DCAF8L2: variants seen among roughly 807,000 people sequenced by gnomAD.
The protein encoded by DCAF8L2 is DDB1 and CUL4 associated factor 8 like 2, also known as DDB1- and CUL4-associated factor 8-like protein 2.
For synonymous variants in DCAF8L2, 200 were observed against 190.9 expected (o/e 1.05, Z -0.39); for missense variants, 430 against 490.7 (o/e 0.88, Z 1.17).
chrX:27,652,369 A>C (rs1308211659), intron 2 of DCAF8L2, among the ~76,000 whole-genome samples: 1 of 111,612 alleles, frequency 9.0e-6, no homozygotes, highest in Non-Finnish European at 1.9e-5. Flanking sequence ...AGCTTACAAG[A>C]AAGATTGACT....
the DCAF8L2 span, among the ~76,000 whole-genome samples, chrX:27,495,743 A>G: frequency 9.0e-6 from 1 of 111,560 alleles, no homozygotes; most frequent in African/African-American, 3.3e-5. Flanking sequence ...TGTTTCCTAT[A>G]AGACAACTTT....
At chrX:27,610,263 C>T (rs1197752510) in intron 1 of DCAF8L2, among the ~76,000 whole-genome samples, 1 of 110,668 alleles carries the variant, frequency 9.0e-6, no homozygotes, top group African/African-American at 3.3e-5. Context: ...ACCCATATGC[C>T]TAAATGTGGG....
chrX:27,522,641 T>C, the DCAF8L2 span, among the ~76,000 whole-genome samples: 1 of 112,210 alleles, frequency 8.9e-6, no homozygotes, highest in Admixed American at 9.5e-5. Flanking sequence ...ACCATTATTC[T>C]ACTCTGTTTC....
chrX:27,535,048 A>G, the DCAF8L2 span, among the ~76,000 whole-genome samples: 1 of 112,398 alleles, frequency 8.9e-6, no homozygotes, highest in African/African-American at 3.2e-5. Context: ...TATGCGGAAA[A>G]TACTTTAAAC....
At chrX:27,744,704 G>C (rs1922069230) in intron 4 of DCAF8L2, among the ~76,000 whole-genome samples, 1 of 111,793 alleles carries the variant, frequency 8.9e-6, no homozygotes, top group Admixed American at 9.5e-5. Flanking sequence ...CTTCATGAAT[G>C]GCTTGGTGCC....
At chrX:27,615,455 A>T (rs1927416159) in intron 1 of DCAF8L2, among the ~76,000 whole-genome samples, 1 of 111,283 alleles carries the variant, frequency 9.0e-6, no homozygotes, top group Non-Finnish European at 1.9e-5. Flanking sequence ...GCTTTGTCAG[A>T]AGCCATAAAT....
chrX:27,633,233 C>A (rs747798943), intron 2 of DCAF8L2: 1 of 111,503 alleles, frequency 9.0e-6, no homozygotes, highest in African/African-American at 3.3e-5. Context: ...ATATAAAATC[C>A]TAGATGTGTT....
intron 4 of DCAF8L2, among the ~76,000 whole-genome samples, chrX:27,720,424 A>ACTGCAGT (rs1446448245): frequency 9.1e-6 from 1 of 109,956 alleles, no homozygotes; most frequent in Non-Finnish European, 1.9e-5. Flanking sequence ...CGGACTGCGG[A>ACTGCAGT]CTGCAGTGGC....
At chrX:27,496,240 T>C in the DCAF8L2 span, among the ~76,000 whole-genome samples, 5 of 112,071 alleles carry the variant, frequency 4.5e-5, no homozygotes, top group African/African-American at 1.3e-4. Flanking sequence ...AATTGATGTT[T>C]TAAAAAACTT....
At chrX:27,474,171 A>G in the DCAF8L2 span, among the ~76,000 whole-genome samples, 483 of 111,952 alleles carry the variant, frequency 4.3e-3, no homozygotes, top group African/African-American at 0.015. Context: ...AAAGGAAGAA[A>G]CCTAGTTAGT....
chrX:27,709,523 ATC>A (rs926244810), intron 3 of DCAF8L2, among the ~76,000 whole-genome samples: 7 of 112,074 alleles, frequency 6.2e-5, no homozygotes, highest in Non-Finnish European at 1.3e-4. Context: ...CTCACACTGT[ATC>A]TCTCTGACTG....
At chrX:27,590,991 T>TTATATATATA (rs10571931) in intron 1 of DCAF8L2, among the ~76,000 whole-genome samples, 1,116 of 68,016 alleles carry the variant, frequency 0.016, 26 homozygotes, top group South Asian at 0.036. Context: ...CCTTTACATT[T>TTATATATATA]TATATATATA....
chrX:27,554,868 T>C, the DCAF8L2 span, among the ~76,000 whole-genome samples: 175 of 111,624 alleles, frequency 1.6e-3, 1 homozygote, highest in Non-Finnish European at 2.9e-3. Context: ...GGAGCAGACA[T>C]GCACCAGAAC....
chrX:27,703,625 G>T (rs1460582186), intron 3 of DCAF8L2, among the ~76,000 whole-genome samples: 4 of 111,045 alleles, frequency 3.6e-5, no homozygotes, highest in Non-Finnish European at 7.6e-5. Flanking sequence ...GACAAATAAT[G>T]TTATTTTCAA....
At chrX:27,606,334 A>ATC (rs1181795226) in intron 1 of DCAF8L2, among the ~76,000 whole-genome samples, 6 of 57,333 alleles carry the variant, frequency 1.0e-4, no homozygotes, top group African/African-American at 4.7e-4. Context: ...ATATATATAT[A>ATC]TAGGAATTAT....
intron 1 of DCAF8L2, among the ~76,000 whole-genome samples, chrX:27,599,104 C>T (rs927024445): frequency 1.8e-5 from 2 of 109,136 alleles, no homozygotes; most frequent in African/African-American, 3.4e-5. Context: ...ACCCAAGATG[C>T]GGAAACAACA....
chrX:27,544,493 G>A, the DCAF8L2 span, among the ~76,000 whole-genome samples: 1 of 111,924 alleles, frequency 8.9e-6, no homozygotes, highest in Non-Finnish European at 1.9e-5. Flanking sequence ...GAATTTTTAA[G>A]TGTTGGTAAC....
At chrX:27,474,901 G>A in the DCAF8L2 span, among the ~76,000 whole-genome samples, 7 of 110,696 alleles carry the variant, frequency 6.3e-5, no homozygotes, top group African/African-American at 2.3e-4. Context: ...AAGTGAAGGC[G>A]GTAAAGGAGA....
At chrX:27,568,486 T>C in the DCAF8L2 span, among the ~76,000 whole-genome samples, 3 of 111,736 alleles carry the variant, frequency 2.7e-5, no homozygotes, top group African/African-American at 9.8e-5. Flanking sequence ...TTCTGAGTAA[T>C]GATACTACAA....
Sources: gnomAD v4.1 joint callset for allele counts (sites outside exome capture counted in the v4.1 genomes callset) on GRCh38, gnomAD v4.1.1 for gene constraint, MANE v1.5 for transcripts, NCBI Gene and HGNC (gene_info 2026-07-23, HGNC 2026-07-21) for gene names.